Variants in GNAQ observed in about 807,000 individuals in gnomAD.
GNAQ encodes the protein guanine nucleotide-binding protein G(q) subunit alpha.
Under a neutral mutation model 43.9 loss-of-function variants are expected in GNAQ, and 8 were observed. The ratio of observed to expected loss-of-function variants is 0.18; its 90% CI spans 0.11 to 0.33. The LOEUF is 0.33. Ranked by LOEUF, GNAQ falls within the 10% of genes least tolerant of loss-of-function variation. The pLI is 1.00. For synonymous variants in GNAQ, 155 were observed against 170.7 expected, an observed-to-expected ratio of 0.91 and a Z score of 0.71; for missense variants, 158 against 450.8, an observed-to-expected ratio of 0.35 and a Z score of 5.88.
chr9:77,730,176 T>C (rs1279469598), intron 5 of GNAQ, among the ~76,000 whole-genome samples: 4 of 152,230 alleles, frequency 2.6e-5, no homozygotes, highest in South Asian at 4.1e-4. Context: ...TTTCAACTAG[T>C]TGGGGCTGTA....
At chr9:77,792,690 T>A (rs947331580) in intron 5 of GNAQ, among the ~76,000 whole-genome samples, 1 of 152,154 alleles carries the variant, frequency 6.6e-6, no homozygotes, top group Admixed American at 6.5e-5. Context: ...TCTTCATATA[T>A]ATATAATGCA....
Position 77,817,788 on chromosome 9 carries a change from G to A in GNAQ, c.322-2018C>T, listed in dbSNP as rs571172443. Among the ~76,000 whole-genome samples, 24 of 152,296 alleles carry A rather than the reference G, an allele frequency of 1.6e-4. 1 individual carries two copies. The South Asian group carries it at 5.0e-3, about 32-fold the overall frequency. ...AATGCAGTTACATACGCACATGAGC[G>A]ATGCTGCATGGGGATGGTGTTAAGT... is the stretch of plus-strand genomic sequence containing the variant. On this transcript the variant is annotated intron_variant, in intron 2 of 6. Coordinates refer to ENST00000286548, the MANE Select transcript of GNAQ (RefSeq NM_002072.5).
chr9:77,961,312 A>G (rs1275527303), intron 1 of GNAQ, among the ~76,000 whole-genome samples: 1 of 152,136 alleles, frequency 6.6e-6, no homozygotes, highest in Admixed American at 6.5e-5. Flanking sequence ...CATGGCAAGG[A>G]GGATCCCAAA....
At chr9:77,825,030 C>T (rs1450813029) in intron 2 of GNAQ, among the ~76,000 whole-genome samples, 4 of 152,088 alleles carry the variant, frequency 2.6e-5, no homozygotes, top group African/African-American at 9.7e-5. Flanking sequence ...AAAATAACAG[C>T]GAACTCTTGA....
intron 2 of GNAQ, among the ~76,000 whole-genome samples, chr9:77,870,864 C>A (rs929355248): frequency 6.6e-6 from 1 of 151,148 alleles, no homozygotes; most frequent in Non-Finnish European, 1.5e-5. Context: ...AGAAGCCAAA[C>A]GCAAATGATA....
chr9:77,746,761 T>C (rs1587895500), intron 5 of GNAQ, among the ~76,000 whole-genome samples: 2 of 152,194 alleles, frequency 1.3e-5, no homozygotes, highest in Non-Finnish European at 2.9e-5. Context: ...CAGCATGATT[T>C]TTACCTACCA....
chr9:77,967,679 CTG>C (rs1454263674), intron 1 of GNAQ, among the ~76,000 whole-genome samples: 2 of 152,070 alleles, frequency 1.3e-5, no homozygotes, highest in African/African-American at 2.4e-5. Flanking sequence ...TGGGGAGTGA[CTG>C]TTAAAATGTT....
At chr9:77,738,247 T>G (rs1383109408) in intron 5 of GNAQ, among the ~76,000 whole-genome samples, 1 of 152,188 alleles carries the variant, frequency 6.6e-6, no homozygotes, top group African/African-American at 2.4e-5. Flanking sequence ...AATTCAATAG[T>G]GCTCCACTCC....
At chr9:77,981,195 A>G (rs892331445) in intron 1 of GNAQ, among the ~76,000 whole-genome samples, 3 of 152,186 alleles carry the variant, frequency 2.0e-5, no homozygotes, top group Non-Finnish European at 4.4e-5. Flanking sequence ...CATAAAGTCA[A>G]TATTAAGCCT....
chr9:77,940,828 G>C (rs190057218), intron 1 of GNAQ, among the ~76,000 whole-genome samples: 1 of 151,922 alleles, frequency 6.6e-6, no homozygotes, highest in African/African-American at 2.4e-5. Context: ...TTAGCCGGGC[G>C]TGGTGGCAGA....
At chr9:77,854,969 TAGG>T (rs1488557299) in intron 2 of GNAQ, among the ~76,000 whole-genome samples, 2 of 152,142 alleles carry the variant, frequency 1.3e-5, no homozygotes, top group Non-Finnish European at 2.9e-5. Context: ...ACTTCAAAAG[TAGG>T]AGAAGAGAAT....
At chr9:77,796,655 A>G (rs925006101) in intron 4 of GNAQ, among the ~76,000 whole-genome samples, 1 of 152,348 alleles carries the variant, frequency 6.6e-6, no homozygotes, top group South Asian at 2.1e-4. Flanking sequence ...AATACAGACT[A>G]GGTTAATTAA....
intron 2 of GNAQ, among the ~76,000 whole-genome samples, chr9:77,841,179 A>G (rs1827484461): frequency 6.6e-6 from 1 of 152,140 alleles, no homozygotes; most frequent in African/African-American, 2.4e-5. Flanking sequence ...TTCTGCCCCC[A>G]TGGGAGTTTA....
intron 1 of GNAQ, among the ~76,000 whole-genome samples, chr9:77,966,377 G>A (rs1457805851): frequency 6.6e-6 from 1 of 152,124 alleles, no homozygotes; most frequent in African/African-American, 2.4e-5. Flanking sequence ...AACTATAAGA[G>A]ACAATGTAAA....
chr9:77,988,589 T>C (rs144834985), intron 1 of GNAQ, among the ~76,000 whole-genome samples: 14 of 152,294 alleles, frequency 9.2e-5, no homozygotes, highest in African/African-American at 2.9e-4. Context: ...GGAAGCATGG[T>C]ACATATTAGG....
intron 5 of GNAQ, among the ~76,000 whole-genome samples, chr9:77,764,456 A>G (rs1826100704): frequency 6.6e-6 from 1 of 151,670 alleles, no homozygotes; most frequent in African/African-American, 2.4e-5. Context: ...TTCTCTGAAA[A>G]TACTTTTTTT....
chr9:77,914,231 T>C (rs541687855), intron 2 of GNAQ, among the ~76,000 whole-genome samples: 8 of 152,172 alleles, frequency 5.3e-5, no homozygotes, highest in African/African-American at 1.9e-4. Flanking sequence ...AAAGTTGATA[T>C]AGTTACCAGA....
chr9:77,836,672 T>C (rs1827391593), intron 2 of GNAQ, among the ~76,000 whole-genome samples: 1 of 152,070 alleles, frequency 6.6e-6, no homozygotes, highest in Non-Finnish European at 1.5e-5. Context: ...ACAAGATGTT[T>C]AAAAATGGAG....
At chr9:77,920,054 G>A (rs529608500) in intron 2 of GNAQ, among the ~76,000 whole-genome samples, 3 of 152,106 alleles carry the variant, frequency 2.0e-5, no homozygotes, top group Admixed American at 1.3e-4. Flanking sequence ...CAGGAGAATC[G>A]CTTGAACCTG....
Sources: gnomAD v4.1 joint callset for allele counts (sites outside exome capture counted in the v4.1 genomes callset) on GRCh38, gnomAD v4.1.1 for gene constraint, MANE v1.5 for transcripts, NCBI Gene and HGNC (gene_info 2026-07-23, HGNC 2026-07-21) for gene names.